FLI1: variants seen among roughly 807,000 people sequenced by gnomAD.
The protein encoded by FLI1 is Fli-1 proto-oncogene, ETS transcription factor.
In FLI1, 13 loss-of-function variants were observed where a neutral mutation model predicts 53.1. That is an observed-to-expected ratio of 0.24 (90% confidence interval 0.16 to 0.39). The LOEUF (loss-of-function observed/expected upper bound fraction) is 0.39, where lower values mean the gene tolerates loss of function less well. FLI1 is among the 10% of genes least tolerant of loss of function. The probability of loss-of-function intolerance (pLI) is 1.00; values close to 1 mark genes in which losing one functional copy is unlikely to be tolerated. For synonymous variants in FLI1, 244 were observed against 236.7 expected (o/e 1.03, Z -0.28); for missense variants, 424 against 600.5 (o/e 0.71, Z 3.07).
intron 8 of FLI1, among the ~76,000 whole-genome samples, chr11:128,809,470 T>A (rs1174582197): frequency 2.0e-5 from 3 of 152,022 alleles, no homozygotes; most frequent in Non-Finnish European, 4.4e-5. Context: ...GAGTAATAAG[T>A]GGCACAGGTA....
chr11:128,687,212 C>A (rs1280502159), intron 1 of FLI1, among the ~76,000 whole-genome samples: 1 of 152,196 alleles, frequency 6.6e-6, no homozygotes, highest in Non-Finnish European at 1.5e-5. Flanking sequence ...TCTTTGGCCC[C>A]GCCCGCCCTT....
At chr11:128,758,987 C>T (rs932248252) in intron 2 of FLI1, among the ~76,000 whole-genome samples, 3 of 152,230 alleles carry the variant, frequency 2.0e-5, no homozygotes, top group African/African-American at 4.8e-5. Flanking sequence ...GGCAAGTCAT[C>T]GAAACCCCTC....
intron 4 of FLI1, among the ~76,000 whole-genome samples, chr11:128,775,152 T>C (rs570985861): frequency 2.8e-4 from 42 of 152,258 alleles, no homozygotes; most frequent in Admixed American, 3.9e-4. Flanking sequence ...GCAGGGCAGA[T>C]ATCCAGAGTG....
At chr11:128,740,405 A>G (rs1940083466) in intron 1 of FLI1, among the ~76,000 whole-genome samples, 1 of 152,232 alleles carries the variant, frequency 6.6e-6, no homozygotes, top group South Asian at 2.1e-4. Flanking sequence ...TAATTAAGTC[A>G]GAGAAATCCT....
chr11:128,737,141 G>T (rs1370534875), intron 1 of FLI1, among the ~76,000 whole-genome samples: 1 of 152,184 alleles, frequency 6.6e-6, no homozygotes, highest in African/African-American at 2.4e-5. Context: ...AACTGAGTTT[G>T]TTGAATCCAG....
At chr11:128,719,356 CGT>C (rs56336914) in intron 1 of FLI1, among the ~76,000 whole-genome samples, 9,232 of 145,164 alleles carry the variant, frequency 0.064, 341 homozygotes, top group African/African-American at 0.11. Flanking sequence ...CCCCTTTTCC[CGT>C]GTGTGTGTGT....
intron 1 of FLI1, among the ~76,000 whole-genome samples, chr11:128,739,292 G>A (rs1303068500): frequency 6.6e-6 from 1 of 152,154 alleles, no homozygotes; most frequent in African/African-American, 2.4e-5. Context: ...TGAAGGTATG[G>A]GGATGAGCTG....
chr11:128,685,621 TG>T (rs1865786999), upstream of FLI1, among the ~76,000 whole-genome samples: 3 of 141,012 alleles, frequency 2.1e-5, no homozygotes, highest in African/African-American at 8.0e-5. Flanking sequence ...AAAGTGCGCC[TG>T]GGCGGAGGCG....
chr11:128,698,684 C>T (rs1032896838), intron 1 of FLI1, among the ~76,000 whole-genome samples: 3 of 144,350 alleles, frequency 2.1e-5, no homozygotes, highest in East Asian at 2.0e-4. Flanking sequence ...ATTATAGAAT[C>T]GTGGAGGCAG....
chr11:128,731,302 G>A (rs866857539), intron 1 of FLI1, among the ~76,000 whole-genome samples: 4 of 144,500 alleles, frequency 2.8e-5, no homozygotes, highest in African/African-American at 5.1e-5. Flanking sequence ...GGACCTAAAT[G>A]TGGGGGGGTT....
intron 1 of FLI1, among the ~76,000 whole-genome samples, chr11:128,696,764 A>T (rs1003528814): frequency 6.6e-6 from 1 of 152,160 alleles, no homozygotes; most frequent in Non-Finnish European, 1.5e-5. Flanking sequence ...TGATTCTAGG[A>T]TGTGATTTTA....
intron 1 of FLI1, among the ~76,000 whole-genome samples, chr11:128,730,979 G>A (rs2135753368): frequency 6.6e-6 from 1 of 152,360 alleles, no homozygotes; most frequent in African/African-American, 2.4e-5. Context: ...TTCCTTCTCA[G>A]GTGGAGTAGT....
At chr11:128,809,952 A>G (rs1289607373) in intron 8 of FLI1, among the ~76,000 whole-genome samples, 1 of 152,190 alleles carries the variant, frequency 6.6e-6, no homozygotes, top group African/African-American at 2.4e-5. Context: ...CCAAGGGCCA[A>G]TCCAGGTCCT....
chr11:128,774,648 C>T (rs1358990973), intron 4 of FLI1, among the ~76,000 whole-genome samples: 2 of 152,194 alleles, frequency 1.3e-5, no homozygotes, highest in Non-Finnish European at 2.9e-5. Flanking sequence ...GTAGCATAGA[C>T]AGCATGCTCT....
chr11:128,686,438 C>G (rs1395521247), upstream of FLI1: 1 of 456,180 alleles, frequency 2.2e-6, no homozygotes, highest in Non-Finnish European at 4.4e-6. Context: ...TGGCCTGAAG[C>G]CCGGGGACGG....
chr11:128,773,095 C>G, intron 4 of FLI1, 110 bp downstream of exon 4: 1 of 990,878 alleles, frequency 1.0e-6, no homozygotes, highest in East Asian at 2.4e-5. Flanking sequence ...GCCGGAGCAG[C>G]ATCGTGGGGC....
At chr11:128,780,072 G>A (rs1391013198) in intron 4 of FLI1, among the ~76,000 whole-genome samples, 1 of 152,176 alleles carries the variant, frequency 6.6e-6, no homozygotes, top group African/African-American at 2.4e-5. Context: ...TTTGGTGTGT[G>A]ACTATTAACA....
intron 5 of FLI1, among the ~76,000 whole-genome samples, chr11:128,783,424 T>A (rs1941986077): frequency 6.6e-6 from 1 of 152,196 alleles, no homozygotes; most frequent in African/African-American, 2.4e-5. Flanking sequence ...AACATTTGTG[T>A]TTTTCATTTG....
At chr11:128,686,296 T>G, upstream of FLI1, 1 of 455,506 alleles carries the variant, frequency 2.2e-6, no homozygotes, top group Non-Finnish European at 4.4e-6. Flanking sequence ...CAGAACAAGC[T>G]GCGGGCATCC....
Sources: allele counts gnomAD v4.1 joint callset (sites outside exome capture counted in the v4.1 genomes callset), GRCh38; gene constraint gnomAD v4.1.1; transcripts MANE v1.5; gene names NCBI Gene and HGNC (gene_info 2026-07-23, HGNC 2026-07-21).